The following GSDMA variants were observed in gnomAD, a reference collection of about 807,000 sequenced individuals.
The protein encoded by GSDMA is gasdermin A.
Under a neutral mutation model 54.3 loss-of-function variants are expected in GSDMA, and 55 were observed. The observed-to-expected ratio is 1.01, with a 90% CI of 0.82 to 1.27. The LOEUF (loss-of-function observed/expected upper bound fraction) is 1.27. GSDMA is among the 50% of genes most tolerant of loss of function. The pLI is 0.00. For missense variants in GSDMA, 542 were observed against 542.6 expected (o/e 1.00, Z 0.01); for synonymous variants, 211 against 224.7 (o/e 0.94, Z 0.54).
Position 39,965,904 on chromosome 17 carries a change from C to T in GSDMA, c.214+3C>T, listed in dbSNP as rs371871156. The T allele has an allele frequency of 1.1e-4, 174 of 1,551,278 alleles. 1 individual carries two copies. In the South Asian group the frequency reaches 1.6e-3, roughly 14 times the overall value. ...TGAGCCCGGCAGCTCACCTTCAGGT[C>T]AGCCTCAAGCGGGGCTGGGAACTGA... On this transcript the variant is annotated splice_donor_region_variant and intron_variant, in intron 2 of 11. Transcript: ENST00000301659.
chr17:39,966,485 T>C (rs779637792), intron 3 of GSDMA, 48 bp downstream of exon 3: 1 of 1,488,648 alleles, frequency 6.7e-7, no homozygotes, highest in Non-Finnish European at 9.1e-7. Flanking sequence ...GGTGGGGCAG[T>C]GCATGGAAAT....
intron 8 of GSDMA, 113 bp from the exon 9 acceptor site, chr17:39,974,160 G>C (rs1980086823): frequency 8.9e-7 from 1 of 1,121,416 alleles, no homozygotes; most frequent in Admixed American, 2.9e-5. Flanking sequence ...CAAACTGGGG[G>C]GTAGAGCATG....
chr17:39,974,477 G>T, intron 9 of GSDMA, 50 bp downstream of exon 9: 1 of 1,480,466 alleles, frequency 6.8e-7, no homozygotes, highest in Non-Finnish European at 9.1e-7. Context: ...ATGTTTTGGT[G>T]AAGATTTGGT....
intron 3 of GSDMA, among the ~76,000 whole-genome samples, chr17:39,968,937 T>C (rs1979803576): frequency 6.6e-6 from 1 of 152,162 alleles, no homozygotes; most frequent in African/African-American, 2.4e-5. Flanking sequence ...TTTGGATGTT[T>C]TGAGTTTCTG....
intron 4 of GSDMA, 28 bp downstream of exon 4, chr17:39,970,675 A>G: frequency 7.1e-7 from 1 of 1,413,954 alleles, no homozygotes. Context: ...ACACACACAC[A>G]CACACACACT....
intron 3 of GSDMA, among the ~76,000 whole-genome samples, chr17:39,970,142 G>A (rs55757004): frequency 2.0e-5 from 3 of 151,790 alleles, no homozygotes; most frequent in South Asian, 2.1e-4. Context: ...AGGAAAGAGG[G>A]GGGGAGCATC....
chr17:39,974,832 T>C (rs576093487), intron 9 of GSDMA, 68 bp from the exon 10 acceptor site: 6 of 831,666 alleles, frequency 7.2e-6, no homozygotes, highest in Admixed American at 2.6e-5. Context: ...AAGGGGTTAT[T>C]ATGTGCTGGG....
chr17:39,963,357 G>A (rs201132761), intron 1 of GSDMA, among the ~76,000 whole-genome samples: 1 of 115,180 alleles, frequency 8.7e-6, no homozygotes, highest in African/African-American at 3.3e-5. Context: ...AAAAAAAAAA[G>A]CACCTTGAAG....
At chr17:39,976,049 G>A in intron 11 of GSDMA, 52 bp downstream of exon 11, 2 of 1,378,630 alleles carry the variant, frequency 1.5e-6, no homozygotes, top group Non-Finnish European at 1.0e-6. Context: ...GCTGCAGCCA[G>A]TGGAGATGCA....
chr17:39,974,566 T>G, intron 9 of GSDMA, 139 bp downstream of exon 9: 4 of 931,336 alleles, frequency 4.3e-6, no homozygotes, highest in Non-Finnish European at 6.3e-6. Flanking sequence ...CTTAGATACC[T>G]TCCCCAAGGC....
chr17:39,966,214 A>C, intron 2 of GSDMA, 46 bp from the exon 3 acceptor site: 1 of 1,598,128 alleles, frequency 6.3e-7, no homozygotes, highest in Non-Finnish European at 8.6e-7. Context: ...GGCATGAGTT[A>C]CTGCACCCAG....
At chr17:39,973,785 C>T in intron 7 of GSDMA, 25 bp from the exon 8 acceptor site, 1 of 1,455,094 alleles carries the variant, frequency 6.9e-7, no homozygotes, top group Non-Finnish European at 9.4e-7. Flanking sequence ...GCATTCTTAT[C>T]TTTTTTTTTT....
rs755891218 is a variant in GSDMA at position 39,965,783 on chromosome 17, C to T, written c.96C>T (p.Arg32=). 7 of 1,608,628 alleles carry T rather than the reference C, an allele frequency of 4.4e-6. No individual in the cohort carries two copies. The South Asian group carries it at 4.5e-5, about 10-fold the overall frequency. The change falls in exon 2 of 12, where the codon CGC becomes CGT. Residue 32 remains arginine, a synonymous_variant. Transcript: ENST00000301659. The part of the protein sequence containing the change: ...TPLDSLIDFK[R]FHPFCLVLRK... The stretch of plus-strand genomic sequence containing the variant: ...TTGACAGCCTCATCGACTTCAAGCG[C>T]TTCCATCCCTTCTGCCTGGTGCTGA...
At chr17:39,972,100 T>TTCCCC in intron 5 of GSDMA, 29 bp from the exon 6 acceptor site, 8 of 835,098 alleles carry the variant, frequency 9.6e-6, no homozygotes, top group Admixed American at 1.9e-5. Flanking sequence ...CTAAGTGTCC[T>TTCCCC]CCCACCCTCC....
chr17:39,970,529 G>A lies in GSDMA; in HGVS notation c.440G>A (p.Gly147Glu). 6.2e-7 allele frequency: 1 copy of A among 1,603,494 alleles called. No homozygotes were observed. Among genetic ancestry groups the A allele is most frequent in the Non-Finnish European group, 8.5e-7 (1 of 1,174,522 alleles). The change falls in exon 4 of 12, where the codon GGG becomes GAG. Residue 147 changes from glycine to glutamate, a missense_variant. Coordinates refer to ENST00000301659, the MANE Select transcript of GSDMA (RefSeq NM_178171.5). Reference protein sequence around the residue: ...HPFLKEMQDQGENLYVVMEVV... With the variant: ...HPFLKEMQDQEENLYVVMEVV... ...TTCCTGAAGGAGATGCAAGATCAAG[G>A]GGAGAACCTGTATGTGGTGATGGAG...
chr17:39,966,048 T>C (rs1979645402), intron 2 of GSDMA, 147 bp downstream of exon 2: 2 of 828,658 alleles, frequency 2.4e-6, no homozygotes, highest in South Asian at 1.7e-5. Context: ...CTGAGGAGGC[T>C]GGTGGTCGGG....
intron 10 of GSDMA, among the ~76,000 whole-genome samples, chr17:39,975,311 T>C (rs1980155394): frequency 6.6e-6 from 1 of 151,806 alleles, no homozygotes; most frequent in African/African-American, 2.4e-5. Context: ...TAGCCGGGCG[T>C]GGTGGCAGGT....
At chr17:39,967,859 A>T (rs935923415) in intron 3 of GSDMA, among the ~76,000 whole-genome samples, 24 of 147,536 alleles carry the variant, frequency 1.6e-4, no homozygotes, top group Admixed American at 9.5e-4. Context: ...TATTTATTTT[A>T]TTTATTTATT....
At position 39,971,576 on chromosome 17, in the gene GSDMA, C is replaced by T; in HGVS notation, c.611C>T (p.Ala204Val). The T allele has an allele frequency of 5.0e-6, 8 of 1,613,926 alleles. No individual in the cohort carries two copies. Among genetic ancestry groups the T allele is most frequent in the Non-Finnish European group, 6.8e-6 (8 of 1,179,836 alleles). ...ACCATCCCCAAGGGCTGCGTCCTGG[C>T]CTTTCGAGTGAGACAGCTGATGGTC... ...AVTIPKGCVL[A>V]FRVRQLMVKG... Residue 204 changes from alanine (A) to valine (V), a missense_variant, in exon 5 of 12, where the codon GCC becomes GTC. By Grantham distance (64) the Ala-to-Val change is moderately conservative. Transcript: ENST00000301659.
Sources: gnomAD v4.1 joint callset for allele counts (sites outside exome capture counted in the v4.1 genomes callset) on GRCh38, gnomAD v4.1.1 for gene constraint, MANE v1.5 for transcripts, NCBI Gene and HGNC (gene_info 2026-07-23, HGNC 2026-07-21) for gene names.